Variants in HBS1L observed in about 807,000 individuals in gnomAD.
HBS1L encodes the protein HBS1-like protein.
A neutral mutation model predicts 88.9 loss-of-function variants in HBS1L; 55 were observed. That is an observed-to-expected ratio of 0.62 (90% CI 0.50 to 0.77). The LOEUF is 0.77. Ranked by LOEUF, HBS1L falls within the 30% of genes least tolerant of loss-of-function variation. The pLI, the probability that HBS1L is intolerant of heterozygous loss-of-function variation, is 0.00. For missense variants in HBS1L, 741 were observed against 829.3 expected (o/e 0.89, Z 1.31); for synonymous variants, 267 against 288.5 (o/e 0.93, Z 0.76).
At chr6:135,011,696 G>A (rs879324261) in intron 4 of HBS1L, among the ~76,000 whole-genome samples, 1 of 152,036 alleles carries the variant, frequency 6.6e-6, no homozygotes, top group African/African-American at 2.4e-5. Context: ...CCTGAAGTCA[G>A]GAGTTCGAGA....
intron 4 of HBS1L, chr6:135,036,542 AG>A: frequency 6.9e-7 from 1 of 1,446,872 alleles, no homozygotes; most frequent in Non-Finnish European, 9.1e-7. Flanking sequence ...ACAGCAATCA[AG>A]TTTTCCTTTT....
chr6:135,007,733 T>C (rs1054817190), intron 4 of HBS1L, among the ~76,000 whole-genome samples: 84 of 152,338 alleles, frequency 5.5e-4, no homozygotes, highest in African/African-American at 2.0e-3. Context: ...ATCAAATCCA[T>C]ATTTTTTAAA....
Position 134,987,518 on chromosome 6 carries a change from G to T in HBS1L, c.1230+127C>A, listed in dbSNP as rs560510532. ...CTCATTTATTTAAGATGAGAACAGA[G>T]AATTTATTTTTAAAAACATGGCAAC... On this transcript the variant is annotated intron_variant, in intron 9 of 17. Coordinates refer to ENST00000367837, the MANE Select transcript of HBS1L (RefSeq NM_006620.4). 2.9e-4 allele frequency: 167 copies of T among 583,840 alleles called. No individual in the cohort carries two copies. In the South Asian group the frequency reaches 8.7e-3, roughly 30 times the overall value. The allele number at this position is 583,840 out of a possible 1,614,324, so 36.2% of individuals were successfully genotyped here.
rs58274929 is a variant in HBS1L, at chr6:134,961,090, C to CTTTTTTTTTTTTTTTT, written c.*4173_*4188dup. 31 of 106,240 alleles carry CTTTTTTTTTTTTTTTT rather than the reference C, an allele frequency of 2.9e-4. No homozygotes were observed. Among genetic ancestry groups the CTTTTTTTTTTTTTTTT allele is most frequent in the Non-Finnish European group, 3.9e-4 (21 of 54,258 alleles). The allele number at this position is 106,240 out of a possible 1,614,324, so 6.6% of individuals were successfully genotyped here. On this transcript the variant is annotated 3_prime_UTR_variant, in exon 18 of 18. Transcript: ENST00000367837. ...TTGCTGTACAGACTTAGTTTCTTTGCTTTTTTTTTTTTTTTTTTTGCATTG... is the reference window on the plus strand; with the variant it reads ...TTGCTGTACAGACTTAGTTTCTTTGCTTTTTTTTTTTTTTTTTTTTTTTTTTTTTTTTTTTGCATTG...
At chr6:135,052,001 A>C (rs1406836074) in intron 1 of HBS1L, among the ~76,000 whole-genome samples, 1 of 152,220 alleles carries the variant, frequency 6.6e-6, no homozygotes, top group Non-Finnish European at 1.5e-5. Flanking sequence ...TTGGGAACAC[A>C]CACATGAATG....
At chr6:134,987,519 A>G (rs1583076178) in intron 9 of HBS1L, 126 bp downstream of exon 9, 1 of 587,692 alleles carries the variant, frequency 1.7e-6, no homozygotes, top group African/African-American at 1.9e-5. Flanking sequence ...GAGAACAGAG[A>G]ATTTATTTTT....
At chr6:135,028,622 T>C (rs1392685925) in intron 4 of HBS1L, among the ~76,000 whole-genome samples, 1 of 152,098 alleles carries the variant, frequency 6.6e-6, no homozygotes, top group Non-Finnish European at 1.5e-5. Flanking sequence ...ATGCAAGTAA[T>C]TTTATGAATA....
At chr6:135,032,724 T>C (rs1254848368) in intron 4 of HBS1L, among the ~76,000 whole-genome samples, 2 of 152,164 alleles carry the variant, frequency 1.3e-5, no homozygotes, top group Admixed American at 6.5e-5. Flanking sequence ...GTGGTTCCTT[T>C]TACTTACAAA....
At position 134,969,256 on chromosome 6, in the gene HBS1L, A is replaced by C; in HGVS notation, c.1880T>G (p.Val627Gly). The change falls in exon 16 of 18, where the codon GTC becomes GGC. Residue 627 changes from valine to glycine, a missense_variant. Coordinates refer to ENST00000367837, the MANE Select transcript of HBS1L (RefSeq NM_006620.4). ...CACTCACTTAGGCTTTTTCTTTGTG[A>C]CTTCACCCGTGCTTTTGTTTAAGAC... ...ISVLNKSTGE[V>G]TKKKPKFLTK... 1 of 1,611,826 alleles carries C rather than the reference A, an allele frequency of 6.2e-7. No homozygotes were observed.
intron 5 of HBS1L, among the ~76,000 whole-genome samples, chr6:134,999,800 G>T (rs1775398284): frequency 6.6e-6 from 1 of 152,134 alleles, no homozygotes; most frequent in South Asian, 2.1e-4. Flanking sequence ...AAATTCTACA[G>T]TGTTAGTGGG....
chr6:135,007,460 C>T (rs1046970820), intron 4 of HBS1L, among the ~76,000 whole-genome samples: 1 of 152,102 alleles, frequency 6.6e-6, no homozygotes, highest in African/African-American at 2.4e-5. Context: ...GAGAGATAAC[C>T]ATGGCTAAGG....
At chr6:135,042,168 T>G (rs779158393) in intron 2 of HBS1L, 42 bp from the exon 3 acceptor site, 2 of 1,528,124 alleles carry the variant, frequency 1.3e-6, no homozygotes, top group East Asian at 2.3e-5. Flanking sequence ...GTATAGCCAT[T>G]TCCTATTAAC....
intron 8 of HBS1L, among the ~76,000 whole-genome samples, chr6:134,990,649 C>T (rs187238743): frequency 1.3e-5 from 2 of 152,346 alleles, no homozygotes; most frequent in African/African-American, 4.8e-5. Context: ...TTCCTGAGCT[C>T]AGGTGATTCT....
At chr6:135,021,551 C>T (rs752649022) in intron 4 of HBS1L, among the ~76,000 whole-genome samples, 3 of 151,886 alleles carry the variant, frequency 2.0e-5, no homozygotes, top group African/African-American at 7.3e-5. Flanking sequence ...TGACAAGTCT[C>T]GGTTAAATAA....
At chr6:134,998,394 C>T (rs141092965) in intron 5 of HBS1L, among the ~76,000 whole-genome samples, 20 of 148,716 alleles carry the variant, frequency 1.3e-4, no homozygotes, top group African/African-American at 4.7e-4. Flanking sequence ...CTCGTTGACA[C>T]TCCACATAGA....
At chr6:135,003,797 G>A (rs1465887136) in intron 4 of HBS1L, among the ~76,000 whole-genome samples, 4 of 152,036 alleles carry the variant, frequency 2.6e-5, no homozygotes, top group African/African-American at 9.7e-5. Context: ...CCCAGAAGGT[G>A]GAGGTTGCAG....
intron 1 of HBS1L, among the ~76,000 whole-genome samples, chr6:135,053,689 T>G (rs1249609971): frequency 6.6e-6 from 1 of 152,224 alleles, no homozygotes; most frequent in East Asian, 1.9e-4. Flanking sequence ...AATAATCTAC[T>G]GGGGTGCCAA....
intron 4 of HBS1L, among the ~76,000 whole-genome samples, chr6:135,011,906 A>T (rs1037292786): frequency 3.4e-3 from 91 of 26,654 alleles, no homozygotes; most frequent in Non-Finnish European, 7.5e-3. Flanking sequence ...AACTTGTCTT[A>T]AAAAAAAAAA....
chr6:134,984,161 T>C (rs928553061), intron 12 of HBS1L, among the ~76,000 whole-genome samples: 37 of 152,186 alleles, frequency 2.4e-4, no homozygotes, highest in African/African-American at 8.4e-4. Context: ...CCACCTCTTG[T>C]ATTCTTGATA....
Sources: allele counts gnomAD v4.1 joint callset (sites outside exome capture counted in the v4.1 genomes callset), GRCh38; gene constraint gnomAD v4.1.1; transcripts MANE v1.5; gene names NCBI Gene and HGNC (gene_info 2026-07-23, HGNC 2026-07-21).